The following TYR variants were observed in gnomAD, a reference collection of about 807,000 sequenced individuals.
TYR encodes LB24-AB.
Under a neutral mutation model 51.5 loss-of-function variants are expected in TYR, and 58 were observed. The observed-to-expected ratio is 1.13, with a 90% confidence interval of 0.91 to 1.40. The LOEUF (loss-of-function observed/expected upper bound fraction) is 1.40, where lower values mean the gene tolerates loss of function less well. TYR is among the 40% of genes most tolerant of loss of function. The pLI is 0.00. For synonymous variants in TYR, 263 were observed against 235.2 expected, an observed-to-expected ratio of 1.12 and a Z score of -1.08; for missense variants, 732 against 647.4, an observed-to-expected ratio of 1.13 and a Z score of -1.42.
At chr11:89,264,735 C>CAAAA (rs11453031) in intron 3 of TYR, among the ~76,000 whole-genome samples, 2 of 135,396 alleles carry the variant, frequency 1.5e-5, no homozygotes, top group African/African-American at 2.7e-5. Flanking sequence ...ACTATGCAGC[C>CAAAA]AAAAAAAAAA....
At chr11:89,228,868 G>A (rs1431075902) in intron 3 of TYR, among the ~76,000 whole-genome samples, 1 of 152,066 alleles carries the variant, frequency 6.6e-6, no homozygotes, top group Non-Finnish European at 1.5e-5. Flanking sequence ...GTCTACTCTT[G>A]AAATTTTCAA....
chr11:89,247,700 T>C (rs187345113), intron 3 of TYR, among the ~76,000 whole-genome samples: 53 of 152,226 alleles, frequency 3.5e-4, no homozygotes, highest in Non-Finnish European at 5.4e-4. Context: ...GAGAAGATGA[T>C]GTGCCCAAAG....
chr11:89,179,563 T>C (rs1943273711), intron 1 of TYR, among the ~76,000 whole-genome samples: 1 of 151,416 alleles, frequency 6.6e-6, no homozygotes, highest in Admixed American at 6.6e-5. Flanking sequence ...AAAAAAAAAA[T>C]CACATTTATT....
intron 3 of TYR, among the ~76,000 whole-genome samples, chr11:89,238,647 G>T (rs1944152755): frequency 6.6e-6 from 1 of 152,058 alleles, no homozygotes; most frequent in South Asian, 2.1e-4. Context: ...GTGAGAGTGG[G>T]TATCCTTGTC....
At chr11:89,260,403 G>A (rs1446760110) in intron 3 of TYR, among the ~76,000 whole-genome samples, 2 of 152,082 alleles carry the variant, frequency 1.3e-5, no homozygotes, top group African/African-American at 2.4e-5. Flanking sequence ...CAAAGGATTG[G>A]CATATTCAAA....
intron 1 of TYR, among the ~76,000 whole-genome samples, chr11:89,179,140 G>A (rs1943268651): frequency 6.6e-6 from 1 of 152,012 alleles, no homozygotes. Context: ...AAAAACAAAT[G>A]ATATACACTA....
At chr11:89,222,576 G>A (rs747752300) in intron 2 of TYR, among the ~76,000 whole-genome samples, 5 of 151,932 alleles carry the variant, frequency 3.3e-5, no homozygotes, top group Admixed American at 6.6e-5. Flanking sequence ...CCACCTCTAC[G>A]AAAAATACAA....
At chr11:89,205,266 T>A (rs1341074372) in intron 2 of TYR, among the ~76,000 whole-genome samples, 1 of 152,078 alleles carries the variant, frequency 6.6e-6, no homozygotes, top group African/African-American at 2.4e-5. Flanking sequence ...AAGAGTTGAA[T>A]AACTACATGA....
intron 3 of TYR, among the ~76,000 whole-genome samples, chr11:89,264,411 G>A (rs1273919788): frequency 6.6e-6 from 1 of 151,736 alleles, no homozygotes; most frequent in Admixed American, 6.6e-5. Context: ...GGGTACATGT[G>A]CAGGTTGATT....
intron 1 of TYR, among the ~76,000 whole-genome samples, chr11:89,185,957 C>T (rs1324363515): frequency 6.6e-6 from 1 of 152,112 alleles, no homozygotes; most frequent in Non-Finnish European, 1.5e-5. Flanking sequence ...AATGTTTTTA[C>T]ATTCAGAGTC....
chr11:89,227,323 G>T (rs1943988624), intron 2 of TYR, among the ~76,000 whole-genome samples: 3 of 152,096 alleles, frequency 2.0e-5, no homozygotes, highest in African/African-American at 7.2e-5. Flanking sequence ...TGATATGAAA[G>T]ATGTTCCTGT....
At chr11:89,206,664 C>T (rs1266352055) in intron 2 of TYR, among the ~76,000 whole-genome samples, 2 of 151,724 alleles carry the variant, frequency 1.3e-5, no homozygotes. Context: ...CATTCAATAA[C>T]AACAACAAAA....
intron 3 of TYR, among the ~76,000 whole-genome samples, chr11:89,241,307 G>A (rs1268039460): frequency 1.3e-5 from 2 of 152,042 alleles, no homozygotes; most frequent in South Asian, 4.1e-4. Flanking sequence ...ATTTACCCTC[G>A]TATGTACTCT....
intron 3 of TYR, among the ~76,000 whole-genome samples, chr11:89,259,721 C>T (rs1944435224): frequency 1.3e-5 from 2 of 152,088 alleles, no homozygotes; most frequent in South Asian, 4.1e-4. Flanking sequence ...TTACTTGTGA[C>T]CCCACATCTT....
chr11:89,213,508 C>T (rs1035850722), intron 2 of TYR, among the ~76,000 whole-genome samples: 1 of 152,134 alleles, frequency 6.6e-6, no homozygotes, highest in Non-Finnish European at 1.5e-5. Context: ...AATGGTCATA[C>T]TGCCCAAAAT....
chr11:89,255,754 C>T (rs1277197446), intron 3 of TYR, among the ~76,000 whole-genome samples: 1 of 151,564 alleles, frequency 6.6e-6, no homozygotes, highest in East Asian at 1.9e-4. Flanking sequence ...AGTGATGCTG[C>T]TAATTTATTC....
At chr11:89,198,013 T>C (rs1231161280) in intron 2 of TYR, among the ~76,000 whole-genome samples, 1 of 152,116 alleles carries the variant, frequency 6.6e-6, no homozygotes, top group Admixed American at 6.6e-5. Flanking sequence ...GCAAGGACTT[T>C]TTAAGGAGCA....
chr11:89,224,904 G>A (rs1471031974), intron 2 of TYR, among the ~76,000 whole-genome samples: 1 of 149,130 alleles, frequency 6.7e-6, no homozygotes, highest in Non-Finnish European at 1.5e-5. Context: ...TGAGTTGTCA[G>A]TTGATGGATC....
chr11:89,187,170 G>A (rs1009874833), intron 1 of TYR, among the ~76,000 whole-genome samples: 2 of 152,088 alleles, frequency 1.3e-5, no homozygotes. Flanking sequence ...CCTATTCCCT[G>A]TAGATTGAGA....
Sources: allele counts gnomAD v4.1 joint callset (sites outside exome capture counted in the v4.1 genomes callset), GRCh38; gene constraint gnomAD v4.1.1; transcripts MANE v1.5; gene names NCBI Gene and HGNC (gene_info 2026-07-23, HGNC 2026-07-21).